The following NXPE2 variants were observed in gnomAD, a reference collection of about 807,000 sequenced individuals.
The protein encoded by NXPE2 is neurexophilin and PC-esterase domain family member 2.
A neutral mutation model predicts 34.4 loss-of-function variants in NXPE2; 34 were observed. The observed-to-expected ratio is 0.99, with a 90% CI of 0.75 to 1.31. The LOEUF (loss-of-function observed/expected upper bound fraction) is 1.31, where lower values mean the gene tolerates loss of function less well. Among genes scored for constraint, NXPE2 ranks in the 40% most tolerant of loss-of-function variants. The probability of loss-of-function intolerance (pLI) is 0.00; values close to 1 mark genes in which losing one functional copy is unlikely to be tolerated. For missense variants in NXPE2, 649 were observed against 672.5 expected (o/e 0.97, Z 0.39); for synonymous variants, 235 against 231.3 (o/e 1.02, Z -0.15).
chr11:114,801,195 G>C, the NXPE2 span, among the ~76,000 whole-genome samples: 6 of 152,294 alleles, frequency 3.9e-5, no homozygotes, highest in South Asian at 1.0e-3. Context: ...AAAAGGAAAA[G>C]AGAATATCAG....
the NXPE2 span, among the ~76,000 whole-genome samples, chr11:114,743,883 GTGTATATATACACACATATA>G: frequency 6.7e-6 from 1 of 149,524 alleles, no homozygotes; most frequent in South Asian, 2.1e-4. Flanking sequence ...ATGTGTACAT[GTGTATATATACACACATATA>G]TGTATATTTA....
chr11:114,485,159 TCAAACA>T, the NXPE2 span, among the ~76,000 whole-genome samples: 37 of 152,296 alleles, frequency 2.4e-4, no homozygotes, highest in Non-Finnish European at 2.6e-4. Context: ...ATCCATCATC[TCAAACA>T]TTTATACTTC....
the NXPE2 span, among the ~76,000 whole-genome samples, chr11:114,635,655 T>G: frequency 3.9e-5 from 6 of 152,052 alleles, no homozygotes; most frequent in East Asian, 1.2e-3. Context: ...ACCTAATTTA[T>G]TGAGAGTTTT....
At chr11:114,494,142 C>T in the NXPE2 span, among the ~76,000 whole-genome samples, 1 of 152,020 alleles carries the variant, frequency 6.6e-6, no homozygotes, top group Admixed American at 6.6e-5. Flanking sequence ...AAATCCTTGA[C>T]CTTTGGGGGT....
the NXPE2 span, among the ~76,000 whole-genome samples, chr11:114,781,601 G>C: frequency 1.3e-5 from 2 of 152,142 alleles, no homozygotes; most frequent in African/African-American, 4.8e-5. Context: ...AATATGACCA[G>C]GGGCAAGGGC....
chr11:114,547,711 G>C, the NXPE2 span, among the ~76,000 whole-genome samples: 1 of 152,172 alleles, frequency 6.6e-6, no homozygotes, highest in Admixed American at 6.5e-5. Flanking sequence ...CTCCAGCCTG[G>C]GTGTCAGAGC....
chr11:114,539,383 T>C, the NXPE2 span, among the ~76,000 whole-genome samples: 1 of 152,068 alleles, frequency 6.6e-6, no homozygotes, highest in Admixed American at 6.5e-5. Context: ...TGTATACATA[T>C]GTAACAAACC....
chr11:114,571,341 T>G, the NXPE2 span: 40 of 1,614,064 alleles, frequency 2.5e-5, no homozygotes, highest in Non-Finnish European at 3.4e-5. Context: ...CTCCATCTCT[T>G]TGACTGAATA....
chr11:114,761,605 C>T, the NXPE2 span, among the ~76,000 whole-genome samples: 2 of 131,878 alleles, frequency 1.5e-5, no homozygotes, highest in Non-Finnish European at 3.1e-5. Context: ...CTCGCTCTGT[C>T]GCCCAGGCCG....
chr11:114,482,010 T>G, the NXPE2 span, among the ~76,000 whole-genome samples: 1 of 150,114 alleles, frequency 6.7e-6, no homozygotes, highest in African/African-American at 2.5e-5. Context: ...ATACACAAAT[T>G]GAGAGAGGCT....
chr11:114,592,227 T>G, the NXPE2 span, among the ~76,000 whole-genome samples: 1 of 152,090 alleles, frequency 6.6e-6, no homozygotes, highest in African/African-American at 2.4e-5. Context: ...AGAAGGAAAT[T>G]AAATTGTCCC....
the NXPE2 span, among the ~76,000 whole-genome samples, chr11:114,587,118 T>G: frequency 6.6e-6 from 1 of 152,296 alleles, no homozygotes; most frequent in Admixed American, 6.5e-5. Flanking sequence ...TTCTCGCTTT[T>G]TTTGCCCCTC....
At chr11:114,640,724 TTA>T in the NXPE2 span, among the ~76,000 whole-genome samples, 225 of 152,172 alleles carry the variant, frequency 1.5e-3, no homozygotes, top group African/African-American at 5.2e-3. Flanking sequence ...TGAGTATTTT[TTA>T]TATGTTTGTT....
chr11:114,611,114 ATAGT>A, the NXPE2 span, among the ~76,000 whole-genome samples: 12 of 140,552 alleles, frequency 8.5e-5, no homozygotes, highest in African/African-American at 3.2e-4. Context: ...AAACCAGTGG[ATAGT>A]TAGTATTGCC....
the NXPE2 span, among the ~76,000 whole-genome samples, chr11:114,513,766 GAAGT>G: frequency 6.6e-6 from 1 of 152,070 alleles, no homozygotes; most frequent in African/African-American, 2.4e-5. Flanking sequence ...CAAATTGAAA[GAAGT>G]AATTATTAAG....
the NXPE2 span, among the ~76,000 whole-genome samples, chr11:114,590,003 T>C: frequency 1.3e-5 from 2 of 152,240 alleles, no homozygotes; most frequent in Non-Finnish European, 1.5e-5. Flanking sequence ...TTCTGCATAC[T>C]GTTACATCCT....
chr11:114,522,818 C>G, the NXPE2 span: 1 of 1,195,600 alleles, frequency 8.4e-7, no homozygotes, highest in Non-Finnish European at 1.2e-6. Flanking sequence ...GAATAGAGAC[C>G]TCATTAAAAG....
chr11:114,530,688 T>C, the NXPE2 span: 1 of 1,613,984 alleles, frequency 6.2e-7, no homozygotes, highest in Non-Finnish European at 8.5e-7. Flanking sequence ...ATCTCGAGGG[T>C]TGAGGATGGT....
At chr11:114,535,897 T>C in the NXPE2 span, among the ~76,000 whole-genome samples, 7 of 152,062 alleles carry the variant, frequency 4.6e-5, no homozygotes, top group African/African-American at 1.4e-4. Context: ...AACAAGGATA[T>C]ACAGGAATTG....
Sources: allele counts gnomAD v4.1 joint callset (sites outside exome capture counted in the v4.1 genomes callset), GRCh38; gene constraint gnomAD v4.1.1; transcripts MANE v1.5; gene names NCBI Gene and HGNC (gene_info 2026-07-23, HGNC 2026-07-21).